The following GHR variants were observed in gnomAD, a reference collection of about 807,000 sequenced individuals.
GHR encodes the protein growth hormone receptor, also known as GH receptor.
In GHR, 35 loss-of-function variants were observed where a neutral mutation model predicts 67.1. The observed-to-expected ratio is 0.52, with a 90% confidence interval of 0.40 to 0.69. The LOEUF (loss-of-function observed/expected upper bound fraction) is 0.69, where lower values mean the gene tolerates loss of function less well. Ranked by LOEUF, GHR falls within the 30% of genes least tolerant of loss-of-function variation. The pLI is 0.00. For missense variants in GHR, 792 were observed against 764.6 expected (o/e 1.04, Z -0.42); for synonymous variants, 272 against 269.1 (o/e 1.01, Z -0.10).
At chr5:42,529,297 C>T (rs923856525) in intron 1 of GHR, among the ~76,000 whole-genome samples, 8 of 152,100 alleles carry the variant, frequency 5.3e-5, no homozygotes, top group Non-Finnish European at 1.5e-5. Flanking sequence ...AGGTGTGAGC[C>T]ACCGCGCCTG....
At chr5:42,608,931 GTTTAT>G (rs1479226331) in intron 2 of GHR, among the ~76,000 whole-genome samples, 1 of 151,992 alleles carries the variant, frequency 6.6e-6, no homozygotes, top group South Asian at 2.1e-4. Context: ...CTCTTGAGTT[GTTTAT>G]TTTAACTATC....
chr5:42,544,378 C>A (rs1452678956), intron 1 of GHR, among the ~76,000 whole-genome samples: 1 of 152,148 alleles, frequency 6.6e-6, no homozygotes, highest in African/African-American at 2.4e-5. Flanking sequence ...GAACATTTTG[C>A]TGACAATTGT....
chr5:42,541,199 T>C (rs1362327099), intron 1 of GHR, among the ~76,000 whole-genome samples: 5 of 152,162 alleles, frequency 3.3e-5, no homozygotes, highest in Admixed American at 3.3e-4. Context: ...AGAACAGAGA[T>C]GATAAACAAG....
chr5:42,435,568 T>G (rs536324692), intron 1 of GHR, among the ~76,000 whole-genome samples: 1 of 152,306 alleles, frequency 6.6e-6, no homozygotes, highest in East Asian at 1.9e-4. Flanking sequence ...TGCAAAAATT[T>G]TAGAGGTCCT....
At position 42,497,301 on chromosome 5, in the gene GHR, G is replaced by A. The variant is rs1480591035; in HGVS notation, c.-11-68563G>A. Among the ~76,000 whole-genome samples, 5 of 152,098 alleles carry A rather than the reference G, an allele frequency of 3.3e-5. No homozygotes were observed. In the South Asian group the frequency reaches 8.3e-4, roughly 25 times the overall value. On this transcript the variant is annotated intron_variant, in intron 1 of 9. Coordinates refer to ENST00000230882, the MANE Select transcript of GHR (RefSeq NM_000163.5). ...TTTACATTAATCCTGGAACTTTTGA[G>A]TCTTAAGCGCTACATGATAGTACTC...
rs1056427166 is a variant in GHR at position 42,592,929 on chromosome 5, G to A, written c.70+26985G>A. Among the ~76,000 whole-genome samples, 3 of 152,076 alleles carry A rather than the reference G, an allele frequency of 2.0e-5. No individual in the cohort carries two copies. The East Asian group carries it at 5.8e-4, about 29-fold the overall frequency. On this transcript the variant is annotated intron_variant, in intron 2 of 9. Coordinates refer to ENST00000230882, the MANE Select transcript of GHR (RefSeq NM_000163.5). ...TTATTTTTTTGAGTTTTTAATAATAGCCATTCTGACTGGTGTGAGATGGTA... is the reference window on the plus strand; with the variant it reads ...TTATTTTTTTGAGTTTTTAATAATAACCATTCTGACTGGTGTGAGATGGTA...
At chr5:42,616,210 T>C (rs1172133533) in intron 2 of GHR, among the ~76,000 whole-genome samples, 2 of 152,062 alleles carry the variant, frequency 1.3e-5, no homozygotes, top group Non-Finnish European at 2.9e-5. Context: ...GGTAGTTAAT[T>C]GAAGGAAGGC....
In GHR at chr5:42,423,899, C is replaced by T. The variant is rs1742723731; in HGVS notation, c.-68C>T. 6.4e-6 allele frequency: 1 copy of T among 155,258 alleles called. No homozygotes were observed. The highest frequency in any genetic ancestry group is 2.4e-5 in the African/African-American group (1 of 41,438). The allele number at this position is 155,258 out of a possible 1,614,324, so 9.6% of individuals were successfully genotyped here. ...CCACGCGGGCCGGAGGCCCCGGCAC[C>T]ATTGGCCCCAGCGCAGACGCGAACC... On this transcript the variant is annotated 5_prime_UTR_variant, in exon 1 of 10. Coordinates refer to ENST00000230882, the MANE Select transcript of GHR (RefSeq NM_000163.5).
At chr5:42,605,948 G>T (rs1482132157) in intron 2 of GHR, among the ~76,000 whole-genome samples, 2 of 152,214 alleles carry the variant, frequency 1.3e-5, no homozygotes, top group Non-Finnish European at 2.9e-5. Flanking sequence ...AGAGCTGGGT[G>T]TTTTTGCTTG....
intron 2 of GHR, among the ~76,000 whole-genome samples, chr5:42,594,137 A>C (rs534178394): frequency 7.7e-4 from 117 of 152,300 alleles, no homozygotes; most frequent in African/African-American, 2.7e-3. Context: ...AATATCTCAT[A>C]TCTATGTATA....
chr5:42,623,620 C>A (rs1052413435), intron 2 of GHR, among the ~76,000 whole-genome samples: 2 of 152,186 alleles, frequency 1.3e-5, no homozygotes, highest in Admixed American at 6.5e-5. Flanking sequence ...GAGTCACCTT[C>A]CCAAGGAAGT....
chr5:42,573,988 A>G (rs551358056), intron 2 of GHR, among the ~76,000 whole-genome samples: 2 of 152,338 alleles, frequency 1.3e-5, no homozygotes, highest in South Asian at 4.1e-4. Flanking sequence ...TGTTTGCCAC[A>G]TTATATTTTC....
chr5:42,616,348 A>G (rs1376301905), intron 2 of GHR, among the ~76,000 whole-genome samples: 1 of 152,098 alleles, frequency 6.6e-6, no homozygotes, highest in Non-Finnish European at 1.5e-5. Flanking sequence ...GAACTGAAAG[A>G]ACTTGTTGAT....
intron 3 of GHR, among the ~76,000 whole-genome samples, chr5:42,679,678 G>A (rs1278640660): frequency 6.6e-6 from 1 of 151,994 alleles, no homozygotes; most frequent in Non-Finnish European, 1.5e-5. Context: ...TGGAATCATG[G>A]CTGTGCCACT....
chr5:42,452,354 G>T (rs1435428474), intron 1 of GHR, among the ~76,000 whole-genome samples: 2 of 152,218 alleles, frequency 1.3e-5, no homozygotes, highest in Non-Finnish European at 2.9e-5. Flanking sequence ...CTTGACTTTA[G>T]ATAAACTGAT....
At chr5:42,667,197 G>A (rs550968773) in intron 3 of GHR, among the ~76,000 whole-genome samples, 79 of 152,216 alleles carry the variant, frequency 5.2e-4, no homozygotes, top group African/African-American at 1.8e-3. Flanking sequence ...ATTTAAGGTC[G>A]AACCTCCCTG....
intron 3 of GHR, among the ~76,000 whole-genome samples, chr5:42,663,566 A>C (rs1372426189): frequency 2.6e-5 from 4 of 152,196 alleles, no homozygotes; most frequent in African/African-American, 9.7e-5. Context: ...AAAAACTCTC[A>C]ATAAATTAGG....
intron 2 of GHR, among the ~76,000 whole-genome samples, chr5:42,610,251 A>C (rs1158721783): frequency 1.3e-5 from 2 of 152,290 alleles, no homozygotes; most frequent in East Asian, 3.9e-4. Flanking sequence ...CTCCTTGGCA[A>C]ACACACCATT....
rs1742756636 is a variant in GHR at position 42,424,503 on chromosome 5, G to A, written c.-12+548G>A. ...CGCGTGGACACAGCGCGCAGAGCGCGCGGTCTTTTGCGCGTTTGTGCGGGC... is the reference window on the plus strand; with the variant it reads ...CGCGTGGACACAGCGCGCAGAGCGCACGGTCTTTTGCGCGTTTGTGCGGGC... On this transcript the variant is annotated intron_variant, in intron 1 of 9. Transcript: ENST00000230882. This position sits in a 1 kb window ranked among gnomAD's most constrained non-coding sequence, Gnocchi z 4.1. 5 of 1,170,548 alleles carry A rather than the reference G, an allele frequency of 4.3e-6. No individual in the cohort carries two copies. In the South Asian group the frequency reaches 5.2e-5, roughly 12 times the overall value. The allele number at this position is 1,170,548 out of a possible 1,614,324, so 72.5% of individuals were successfully genotyped here.
Sources: gnomAD v4.1 joint callset for allele counts (sites outside exome capture counted in the v4.1 genomes callset) on GRCh38, gnomAD v4.1.1 for gene constraint, Gnocchi (gnomAD v3.1) non-coding constraint, MANE v1.5 for transcripts, NCBI Gene and HGNC (gene_info 2026-07-23, HGNC 2026-07-21) for gene names.